Variants in COL5A1 observed in about 807,000 individuals in gnomAD.
COL5A1 encodes collagen alpha-1(V) chain.
COL5A1 carries 16 observed loss-of-function variants against 263.7 expected under a neutral mutation model. That is an observed-to-expected ratio of 0.06 (90% confidence interval 0.04 to 0.09). The LOEUF is 0.09. Ranked by LOEUF, COL5A1 falls within the 10% of genes least tolerant of loss-of-function variation. The pLI is 1.00. For missense variants in COL5A1, 2,036 were observed against 2,540.5 expected (o/e 0.80, Z 4.27); for synonymous variants, 1,012 against 1,004.5 (o/e 1.01, Z -0.14).
At chr9:134,813,832 T>C (rs572892297) in intron 48 of COL5A1, 151 bp from the exon 49 acceptor site, 6 of 734,718 alleles carry the variant, frequency 8.2e-6, no homozygotes, top group East Asian at 5.4e-5. Context: ...ATTCTGGGAG[T>C]GTGTGGGGAC....
In COL5A1 at chr9:134,741,288, G is replaced by A. The variant is rs1392019805; in HGVS notation, c.1494+2480G>A. Among the ~76,000 whole-genome samples the A allele has an allele frequency of 2.6e-5, 4 of 152,276 alleles. No homozygotes were observed. The highest frequency in any genetic ancestry group is 2.1e-4 in the South Asian group (1 of 4,822). On this transcript the variant is annotated intron_variant, in intron 11 of 65. Coordinates refer to ENST00000371817, the MANE Select transcript of COL5A1 (RefSeq NM_000093.5). The surrounding 1 kb of genome is among the most constrained non-coding windows in gnomAD (Gnocchi z 4.5). ...CAGATTAACAAGAGAAGAGGCATACGATTTTAACACTTTTAATCTTCTATG... is the reference window on the plus strand; with the variant it reads ...CAGATTAACAAGAGAAGAGGCATACAATTTTAACACTTTTAATCTTCTATG...
At chr9:134,662,405 A>G (rs554010117) in intron 1 of COL5A1, among the ~76,000 whole-genome samples, 2 of 152,190 alleles carry the variant, frequency 1.3e-5, no homozygotes, top group South Asian at 4.1e-4. Context: ...TTCCACTTTG[A>G]CTTTCCTAAC....
At chr9:134,822,295 A>G in intron 59 of COL5A1, 145 bp downstream of exon 59, 2 of 695,186 alleles carry the variant, frequency 2.9e-6, no homozygotes, top group Non-Finnish European at 5.0e-6. Flanking sequence ...TTTGCCCATT[A>G]ACTCAACATT....
At chr9:134,823,927 T>G (rs1157506720) in intron 61 of COL5A1, among the ~76,000 whole-genome samples, 1 of 152,012 alleles carries the variant, frequency 6.6e-6, no homozygotes, top group Admixed American at 6.6e-5. Flanking sequence ...TGTGTGCATG[T>G]GTAGTGTGTG....
At chr9:134,747,443 A>G (rs1835558012) in intron 11 of COL5A1, among the ~76,000 whole-genome samples, 1 of 152,174 alleles carries the variant, frequency 6.6e-6, no homozygotes, top group African/African-American at 2.4e-5. Context: ...ACACATGCAC[A>G]CACATGCATT....
At chr9:134,770,733 T>G (rs968862052) in intron 25 of COL5A1, among the ~76,000 whole-genome samples, 2 of 152,234 alleles carry the variant, frequency 1.3e-5, no homozygotes, top group Non-Finnish European at 2.9e-5. Flanking sequence ...TAATGTAAGC[T>G]TTATTATTTT....
At position 134,772,852 on chromosome 9, in the gene COL5A1, C is replaced by T; in HGVS notation, c.2331+18C>T. ...GAGGTCAGGTGGGTGCTCGCCACGC[C>T]CTCCTACCCTTCAGCATCCAGGTGG... On this transcript the variant is annotated intron_variant, in intron 26 of 65. Transcript: ENST00000371817. 4 of 1,613,276 alleles carry T rather than the reference C, an allele frequency of 2.5e-6. No homozygotes were observed. Among genetic ancestry groups the T allele is most frequent in the Non-Finnish European group, 2.5e-6 (3 of 1,179,724 alleles).
chr9:134,765,812 G>A lies in COL5A1; in HGVS notation c.2088+78G>A, dbSNP rs1313130584. 4.2e-5 allele frequency: 53 copies of A among 1,261,686 alleles called. No homozygotes were observed. The highest frequency in any genetic ancestry group is 5.9e-5 in the Non-Finnish European group (52 of 883,410). 78.2% of individuals were successfully genotyped at this position (1,261,686 alleles called of 1,614,324 possible). A position where few individuals can be genotyped will look rare whatever the true frequency, so the allele number is the denominator to read the frequency against. On this transcript the variant is annotated intron_variant, in intron 21 of 65. Transcript: ENST00000371817. This position sits in a 1 kb window ranked among gnomAD's most constrained non-coding sequence, Gnocchi z 5.1. Reference sequence around the variant, plus strand: ...CCGCCTCCCAGCCGGTGGACGCTTGGGCACTGGGGCAGCAAGTCCGTGCTG... The same window carrying A: ...CCGCCTCCCAGCCGGTGGACGCTTGAGCACTGGGGCAGCAAGTCCGTGCTG...
chr9:134,836,776 A>G (rs1293769995), intron 65 of COL5A1, among the ~76,000 whole-genome samples: 1 of 152,210 alleles, frequency 6.6e-6, no homozygotes, highest in African/African-American at 2.4e-5. Flanking sequence ...CTGAGGGTTA[A>G]AGCTGTGTCT....
At position 134,642,315 on chromosome 9, in the gene COL5A1, G is replaced by C; in HGVS notation, c.109+19G>C. The C allele has an allele frequency of 1.3e-6, 1 of 796,482 alleles. No homozygotes were observed. The highest frequency in any genetic ancestry group is 6.0e-5 in the South Asian group (1 of 16,770). 49.3% of individuals were successfully genotyped at this position (796,482 alleles called of 1,614,324 possible). ...CGCGCAGGTAAGGGCGCCCCGGGGC[G>C]CGGGGCTGCGGGATGGGGCGCGCGC... On this transcript the variant is annotated intron_variant, in intron 1 of 65. Coordinates refer to ENST00000371817, the MANE Select transcript of COL5A1 (RefSeq NM_000093.5). This position sits in a 1 kb window ranked among gnomAD's most constrained non-coding sequence, Gnocchi z 4.5.
rs924864579 is a variant in COL5A1, at chr9:134,754,539, G to A, written c.1827+213G>A. ...CCTGGGCGCAGACACAGCGGACCAG[G>A]CCTCTTCCCTGGGCACATTCATTTA... is the stretch of plus-strand genomic sequence containing the variant. On this transcript the variant is annotated intron_variant, in intron 16 of 65. Transcript: ENST00000371817. The surrounding 1 kb of genome is among the most constrained non-coding windows in gnomAD (Gnocchi z 4.3). Among the ~76,000 whole-genome samples the A allele has an allele frequency of 6.6e-6, 1 of 152,372 alleles. No individual in the cohort carries two copies. The highest frequency in any genetic ancestry group is 1.9e-4 in the East Asian group (1 of 5,186).
At chr9:134,706,391 G>A (rs969319562) in intron 4 of COL5A1, among the ~76,000 whole-genome samples, 5 of 152,194 alleles carry the variant, frequency 3.3e-5, no homozygotes, top group Non-Finnish European at 7.3e-5. Flanking sequence ...AGTCAGGAAC[G>A]AGCTTTGTGT....
rs775277873 is a variant in COL5A1 at position 134,825,321 on chromosome 9, C to T, written c.4954+466C>T. ...CTCCGCGATACTGTAAAAACACATC[C>T]TTCTCCTCACCATCATAGCCTCAGG... On this transcript the variant is annotated intron_variant, in intron 62 of 65. Coordinates refer to ENST00000371817, the MANE Select transcript of COL5A1 (RefSeq NM_000093.5). Among the ~76,000 whole-genome samples the T allele has an allele frequency of 7.2e-5, 11 of 152,208 alleles. 1 individual carries two copies. Among genetic ancestry groups the T allele is most frequent in the Non-Finnish European group, 7.3e-5 (5 of 68,038 alleles).
rs1252887286 is a variant in COL5A1 at position 134,678,471 on chromosome 9, CAG to C, written c.110-12440_110-12439del. On this transcript the variant is annotated intron_variant, in intron 1 of 65. Transcript: ENST00000371817. This position sits in a 1 kb window ranked among gnomAD's most constrained non-coding sequence, Gnocchi z 5.5. ...GCCGCCCCGGTGTGTGTCCCTGACT[CAG>C]GGGTCCCATCGGCAGGTGTGTTGGC... 1.3e-5 allele frequency among the ~76,000 whole-genome samples: 2 copies of C among 152,244 alleles called. No homozygotes were observed. The highest frequency in any genetic ancestry group is 1.3e-4 in the Admixed American group (2 of 15,288).
intron 1 of COL5A1, among the ~76,000 whole-genome samples, chr9:134,684,167 G>A (rs751126980): frequency 1.2e-4 from 18 of 152,232 alleles, no homozygotes; most frequent in African/African-American, 2.9e-4. Flanking sequence ...GGCTGTGACC[G>A]GGCCGAAGTT....
chr9:134,687,719 C>T (rs1833128960), intron 1 of COL5A1, among the ~76,000 whole-genome samples: 1 of 152,190 alleles, frequency 6.6e-6, no homozygotes, highest in African/African-American at 2.4e-5. Flanking sequence ...CTTCACTGAG[C>T]ACCTGGGCTG....
At chr9:134,699,861 G>T in intron 2 of COL5A1, 48 bp from the exon 3 acceptor site, 1 of 1,584,256 alleles carries the variant, frequency 6.3e-7, no homozygotes, top group Non-Finnish European at 8.7e-7. Flanking sequence ...GCTGGGTGTG[G>T]TTGCAGGGGC....
At chr9:134,785,936 CG>C (rs941451578) in intron 30 of COL5A1, 58 bp from the exon 31 acceptor site, 10 of 1,508,478 alleles carry the variant, frequency 6.6e-6, no homozygotes, top group East Asian at 2.3e-5. Context: ...CTCTCTGCTC[CG>C]GGGAAACGGA....
rs937463705 is a variant in COL5A1 at position 134,817,134 on chromosome 9, C to CT, written c.4176+55_4176+56insT. 3.1e-4 allele frequency: 461 copies of CT among 1,490,312 alleles called. 3 individuals are homozygous for CT. In the African/African-American group the frequency reaches 5.5e-3, roughly 18 times the overall value. 92.3% of individuals were successfully genotyped at this position (1,490,312 alleles called of 1,614,324 possible). A position where few individuals can be genotyped will look rare whatever the true frequency, so the allele number is the denominator to read the frequency against. ...GTCAAATCCCTGCATGAAACACCCC[C>CT]GCCCCTCCCCGTCACCTTTGCTTGG... On this transcript the variant is annotated intron_variant, in intron 53 of 65. Coordinates refer to ENST00000371817, the MANE Select transcript of COL5A1 (RefSeq NM_000093.5).
Sources: gnomAD v4.1 joint callset for allele counts (sites outside exome capture counted in the v4.1 genomes callset) on GRCh38, gnomAD v4.1.1 for gene constraint, Gnocchi (gnomAD v3.1) non-coding constraint, MANE v1.5 for transcripts, NCBI Gene and HGNC (gene_info 2026-07-23, HGNC 2026-07-21) for gene names.